Variants in SORCS1 observed in about 807,000 individuals in gnomAD.
The protein encoded by SORCS1 is VPS10 domain-containing receptor SorCS1.
Under a neutral mutation model 146.1 loss-of-function variants are expected in SORCS1, and 60 were observed. The observed-to-expected ratio is 0.41, with a 90% CI of 0.33 to 0.51. The LOEUF (loss-of-function observed/expected upper bound fraction) is 0.51, where lower values mean the gene tolerates loss of function less well. Ranked by LOEUF, SORCS1 falls within the 20% of genes least tolerant of loss-of-function variation. The probability of loss-of-function intolerance (pLI) is 0.21; values close to 1 mark genes in which losing one functional copy is unlikely to be tolerated. For missense variants in SORCS1, 1,352 were observed against 1,487.6 expected (o/e 0.91, Z 1.50); for synonymous variants, 637 against 584.0 (o/e 1.09, Z -1.31).
At chr10:106,634,747 A>G (rs1848633882) in intron 18 of SORCS1, among the ~76,000 whole-genome samples, 1 of 152,214 alleles carries the variant, frequency 6.6e-6, no homozygotes, top group Non-Finnish European at 1.5e-5. Flanking sequence ...AGACAGTATC[A>G]TGTTTAAGCC....
intron 1 of SORCS1, among the ~76,000 whole-genome samples, chr10:107,011,951 T>G (rs1311535205): frequency 6.6e-6 from 1 of 152,238 alleles, no homozygotes. Context: ...AAGGAGATCT[T>G]TATTTCTAAA....
intron 24 of SORCS1, among the ~76,000 whole-genome samples, chr10:106,593,254 G>T (rs1344641356): frequency 6.6e-6 from 1 of 151,348 alleles, no homozygotes; most frequent in Non-Finnish European, 1.5e-5. Flanking sequence ...TATATGTAGG[G>T]TCTACCACCC....
intron 1 of SORCS1, among the ~76,000 whole-genome samples, chr10:107,088,312 G>A (rs1053846100): frequency 3.3e-5 from 5 of 152,106 alleles, no homozygotes; most frequent in Non-Finnish European, 5.9e-5. Flanking sequence ...TCAGAATTGT[G>A]AGACAAAATT....
intron 25 of SORCS1, chr10:106,579,072 G>A: frequency 1.2e-6 from 2 of 1,612,988 alleles, no homozygotes; most frequent in Non-Finnish European, 1.7e-6. Context: ...ACAGCTGGTG[G>A]CTACTGGGAA....
At chr10:106,625,893 C>T (rs569277297) in intron 19 of SORCS1, among the ~76,000 whole-genome samples, 5 of 152,108 alleles carry the variant, frequency 3.3e-5, no homozygotes, top group South Asian at 4.2e-4. Context: ...CTGCCCCATC[C>T]GACTGAAGGC....
chr10:106,770,361 C>T (rs1859923868), intron 4 of SORCS1, among the ~76,000 whole-genome samples: 1 of 151,978 alleles, frequency 6.6e-6, no homozygotes, highest in African/African-American at 2.4e-5. Flanking sequence ...TCAATATAAA[C>T]TTACAAATAT....
intron 1 of SORCS1, among the ~76,000 whole-genome samples, chr10:107,082,179 T>A (rs1006761269): frequency 6.6e-6 from 1 of 152,194 alleles, no homozygotes; most frequent in Non-Finnish European, 1.5e-5. Flanking sequence ...GATTTTTCTG[T>A]CCTCAAGGCA....
chr10:107,110,101 A>G (rs1269539583), intron 1 of SORCS1, among the ~76,000 whole-genome samples: 2 of 152,188 alleles, frequency 1.3e-5, no homozygotes, highest in Non-Finnish European at 2.9e-5. Context: ...TATCACTAAC[A>G]GCATTTTGGT....
At chr10:107,167,206 G>A (rs937926536), upstream of SORCS1, among the ~76,000 whole-genome samples, 2 of 152,122 alleles carry the variant, frequency 1.3e-5, no homozygotes, top group East Asian at 1.9e-4. Flanking sequence ...TCTGCTCCCC[G>A]TTTACTTTTG....
chr10:106,843,619 T>C (rs1170546547), intron 2 of SORCS1, among the ~76,000 whole-genome samples: 1 of 152,042 alleles, frequency 6.6e-6, no homozygotes, highest in Non-Finnish European at 1.5e-5. Context: ...GTATTTTTAG[T>C]AGAGACGGGA....
chr10:106,644,864 C>T (rs1350962779), intron 18 of SORCS1, among the ~76,000 whole-genome samples: 2 of 152,034 alleles, frequency 1.3e-5, no homozygotes, highest in Non-Finnish European at 2.9e-5. Context: ...TTTATGTATT[C>T]TACTATTCAT....
At chr10:106,729,331 T>C (rs1204548656) in intron 6 of SORCS1, among the ~76,000 whole-genome samples, 1 of 152,210 alleles carries the variant, frequency 6.6e-6, no homozygotes, top group Non-Finnish European at 1.5e-5. Flanking sequence ...TGTCCTTCAC[T>C]GCAGCATAAC....
intron 22 of SORCS1, among the ~76,000 whole-genome samples, chr10:106,610,162 C>T (rs1846880840): frequency 6.6e-6 from 1 of 152,068 alleles, no homozygotes; most frequent in Non-Finnish European, 1.5e-5. Flanking sequence ...TGGCATTGCT[C>T]AGAGGCACAT....
intron 2 of SORCS1, among the ~76,000 whole-genome samples, chr10:106,914,332 A>G (rs993380385): frequency 2.0e-5 from 3 of 152,192 alleles, no homozygotes; most frequent in African/African-American, 4.8e-5. Flanking sequence ...GTTAAGGTTC[A>G]TATCATTATC....
chr10:107,038,677 C>T (rs1226287678), intron 1 of SORCS1, among the ~76,000 whole-genome samples: 1 of 114,342 alleles, frequency 8.7e-6, no homozygotes, highest in Non-Finnish European at 1.8e-5. Flanking sequence ...ACTGCCCACC[C>T]CCAACCCTGG....
chr10:107,111,688 AC>A (rs1965711051), intron 1 of SORCS1, among the ~76,000 whole-genome samples: 1 of 152,146 alleles, frequency 6.6e-6, no homozygotes, highest in African/African-American at 2.4e-5. Flanking sequence ...AACTATCCAG[AC>A]CTTTGGAGAA....
chr10:106,889,131 A>C (rs2137849969), intron 2 of SORCS1, among the ~76,000 whole-genome samples: 1 of 152,276 alleles, frequency 6.6e-6, no homozygotes, highest in Non-Finnish European at 1.5e-5. Context: ...GGGGAAAGGC[A>C]AGTTGTTACT....
At chr10:106,958,113 C>T (rs1393539263) in intron 1 of SORCS1, among the ~76,000 whole-genome samples, 1 of 152,210 alleles carries the variant, frequency 6.6e-6, no homozygotes, top group Non-Finnish European at 1.5e-5. Flanking sequence ...AATACATGAG[C>T]CCAAGCACAC....
chr10:106,997,046 T>C (rs75412484), intron 1 of SORCS1, among the ~76,000 whole-genome samples: 1 of 151,910 alleles, frequency 6.6e-6, no homozygotes, highest in East Asian at 1.9e-4. Flanking sequence ...TTTTTTTTTT[T>C]CTTTATAAAG....
Sources: allele counts gnomAD v4.1 joint callset (sites outside exome capture counted in the v4.1 genomes callset), GRCh38; gene constraint gnomAD v4.1.1; transcripts MANE v1.5; gene names NCBI Gene and HGNC (gene_info 2026-07-23, HGNC 2026-07-21).